Variants in CYP4Z1 observed in about 807,000 individuals in gnomAD.
CYP4Z1 encodes cytochrome P450 family 4 subfamily Z member 1, also known as cytochrome P450 4Z1.
Under a neutral mutation model 54.2 loss-of-function variants are expected in CYP4Z1, and 41 were observed. That is an observed-to-expected ratio of 0.76 (90% CI 0.59 to 0.98). The LOEUF is 0.98. Among genes scored for constraint, CYP4Z1 ranks in the 50% least tolerant of loss-of-function variants. The pLI, the probability that CYP4Z1 is intolerant of heterozygous loss-of-function variation, is 0.00. For synonymous variants in CYP4Z1, 163 were observed against 206.2 expected, an observed-to-expected ratio of 0.79 and a Z score of 1.79; for missense variants, 513 against 599.0, an observed-to-expected ratio of 0.86 and a Z score of 1.50.
chr1:47,082,180 G>A (rs557327189), intron 3 of CYP4Z1, among the ~76,000 whole-genome samples, 154 bp from the exon 4 acceptor site: 134 of 152,120 alleles, frequency 8.8e-4, no homozygotes, highest in Admixed American at 1.9e-3. Flanking sequence ...AATTCCCAAA[G>A]GATTAGGTCT....
the CYP4Z1 span, among the ~76,000 whole-genome samples, chr1:47,057,633 G>C: frequency 6.7e-6 from 1 of 150,190 alleles, no homozygotes; most frequent in African/African-American, 2.4e-5. Flanking sequence ...CTAAGTTTTA[G>C]ACTTTTCATT....
At chr1:47,062,051 T>A in the CYP4Z1 span, among the ~76,000 whole-genome samples, 3 of 152,230 alleles carry the variant, frequency 2.0e-5, no homozygotes, top group African/African-American at 7.2e-5. Flanking sequence ...AAGAGCCATC[T>A]ATGACAAACC....
rs1644662945 is a variant in CYP4Z1 at position 47,094,590 on chromosome 1, AGTCTC to A, written c.798_802del (p.Glu266AspfsTer2). ...GAGAAAGTAATCCAGGACCGGAAGG[AGTCTC>A]TTAAGGATAAGCTAAAACAAGATAC... is the stretch of plus-strand genomic sequence containing the variant. On this transcript the variant is annotated frameshift_variant, in exon 7 of 12. Coordinates refer to ENST00000334194, the MANE Select transcript of CYP4Z1 (RefSeq NM_178134.3). LOFTEE classifies it high-confidence loss of function. 6.3e-7 allele frequency: 1 copy of A among 1,599,700 alleles called. No homozygotes were observed. The highest frequency in any genetic ancestry group is 1.4e-5 in the African/African-American group (1 of 73,808).
At chr1:47,092,230 G>T (rs1336614213) in intron 6 of CYP4Z1, among the ~76,000 whole-genome samples, 1 of 151,910 alleles carries the variant, frequency 6.6e-6, no homozygotes, top group African/African-American at 2.4e-5. Flanking sequence ...TGCAACTTGG[G>T]GATCCTGGAC....
At position 47,115,539 on chromosome 1, in the gene CYP4Z1, G is replaced by A. The variant is rs1248475857; in HGVS notation, c.1212G>A (p.Val404=). The change falls in exon 10 of 12, where the codon GTG becomes GTA. Residue 404 remains valine, a synonymous_variant. Coordinates refer to ENST00000334194, the MANE Select transcript of CYP4Z1 (RefSeq NM_178134.3). ...DGRSLPAGIT[V]FINIWALHHN... is the part of the protein sequence containing the mutation. ...CTTCTGTTTACTCAGGAATAACTGT[G>A]TTTATCAATATTTGGGCTCTTCACC... The A allele has an allele frequency of 1.2e-6, 2 of 1,613,040 alleles. No individual in the cohort carries two copies. The highest frequency in any genetic ancestry group is 1.7e-6 in the Non-Finnish European group (2 of 1,179,600).
chr1:47,095,694 T>C (rs914662468), intron 7 of CYP4Z1, among the ~76,000 whole-genome samples: 4 of 152,112 alleles, frequency 2.6e-5, no homozygotes, highest in African/African-American at 2.4e-5. Context: ...GGAAGAGAAA[T>C]TGTGGCTCAA....
intron 9 of CYP4Z1, 139 bp downstream of exon 9, chr1:47,106,400 AAG>A: frequency 8.8e-7 from 1 of 1,136,710 alleles, no homozygotes; most frequent in Non-Finnish European, 1.2e-6. Context: ...GAGAGGGAGA[AAG>A]AGGATAGAGC....
chr1:47,092,353 G>A (rs1644644719), intron 6 of CYP4Z1, among the ~76,000 whole-genome samples: 1 of 151,932 alleles, frequency 6.6e-6, no homozygotes, highest in Non-Finnish European at 1.5e-5. Context: ...GCCACATTCA[G>A]GAGGTTCTCT....
chr1:47,091,691 C>G lies in CYP4Z1; in HGVS notation c.773-2875C>G, dbSNP rs556416227. Among the ~76,000 whole-genome samples the G allele has an allele frequency of 4.9e-3, 738 of 149,700 alleles. 15 individuals are homozygous for G. Among genetic ancestry groups the G allele is most frequent in the African/African-American group, 0.017 (693 of 41,016 alleles). ...TTAACTAAGAGCTCCCCCTACAGGA[C>G]AGTGATAATGCCACATCATGTGGAG... is the stretch of plus-strand genomic sequence containing the variant. On this transcript the variant is annotated intron_variant, in intron 6 of 11. Transcript: ENST00000334194.
At chr1:47,094,721 G>T in intron 7 of CYP4Z1, 52 bp downstream of exon 7, 2 of 1,417,718 alleles carry the variant, frequency 1.4e-6, no homozygotes, top group Non-Finnish European at 2.0e-6. Flanking sequence ...AAATAATAAA[G>T]AAATAGGCCG....
chr1:47,116,809 C>T (rs1209483109), intron 11 of CYP4Z1, 77 bp downstream of exon 11: 6 of 1,075,750 alleles, frequency 5.6e-6, no homozygotes, highest in South Asian at 3.5e-5. Flanking sequence ...CCTTCAGGCC[C>T]TCAGTTAGCT....
At chr1:47,105,507 C>T (rs111925673) in intron 8 of CYP4Z1, among the ~76,000 whole-genome samples, 2,497 of 152,270 alleles carry the variant, frequency 0.016, 71 homozygotes, top group African/African-American at 0.057. Context: ...AGGGCTCTCA[C>T]TTATTCTTTT....
chr1:47,101,821 G>T (rs190792450), intron 8 of CYP4Z1, among the ~76,000 whole-genome samples: 76 of 152,106 alleles, frequency 5.0e-4, no homozygotes, highest in African/African-American at 1.8e-3. Context: ...AATTTATAAA[G>T]AAATTTGTCT....
intron 9 of CYP4Z1, among the ~76,000 whole-genome samples, chr1:47,110,172 A>G (rs28451148): frequency 0.29 from 31,617 of 107,368 alleles, 5,372 homozygotes; most frequent in East Asian, 0.93. Flanking sequence ...ATGGCCTAGT[A>G]TGTGCCATGA....
At chr1:47,114,689 G>GA (rs1218624556) in intron 9 of CYP4Z1, among the ~76,000 whole-genome samples, 4 of 152,170 alleles carry the variant, frequency 2.6e-5, no homozygotes, top group African/African-American at 9.7e-5. Flanking sequence ...ACAGACACAT[G>GA]AAAAAATGCT....
intron 8 of CYP4Z1, among the ~76,000 whole-genome samples, chr1:47,100,963 T>C (rs921337704): frequency 6.6e-6 from 1 of 152,214 alleles, no homozygotes; most frequent in African/African-American, 2.4e-5. Flanking sequence ...AGGTTTTCTA[T>C]TTCTTCCCAG....
intron 6 of CYP4Z1, among the ~76,000 whole-genome samples, chr1:47,094,029 C>G (rs1252800825): frequency 6.6e-6 from 1 of 152,152 alleles, no homozygotes; most frequent in Middle Eastern, 3.2e-3. Flanking sequence ...ATTGCTGTGG[C>G]TAGCATTCCC....
chr1:47,108,220 C>T (rs1644770210), intron 9 of CYP4Z1, among the ~76,000 whole-genome samples: 1 of 152,144 alleles, frequency 6.6e-6, no homozygotes. Context: ...CTGCCCCTCT[C>T]ATACACACAG....
At chr1:47,066,833 A>T (rs1454966505), upstream of CYP4Z1, among the ~76,000 whole-genome samples, 1 of 152,048 alleles carries the variant, frequency 6.6e-6, no homozygotes, top group Non-Finnish European at 1.5e-5. Flanking sequence ...TCTGCTGTAC[A>T]CCAGCAGCAA....
Sources: allele counts gnomAD v4.1 joint callset (sites outside exome capture counted in the v4.1 genomes callset), GRCh38; gene constraint gnomAD v4.1.1; transcripts MANE v1.5; gene names NCBI Gene and HGNC (gene_info 2026-07-23, HGNC 2026-07-21).